The following AMOTL1 variants were observed in gnomAD, a reference collection of about 807,000 sequenced individuals.
The protein encoded by AMOTL1 is angiomotin-like protein 1.
In AMOTL1, 45 loss-of-function variants were observed where a neutral mutation model predicts 102.9. That is an observed-to-expected ratio of 0.44 (90% CI 0.34 to 0.56). The LOEUF (loss-of-function observed/expected upper bound fraction) is 0.56. Ranked by LOEUF, AMOTL1 falls within the 20% of genes least tolerant of loss-of-function variation. The pLI is 0.01. For missense variants in AMOTL1, 1,114 were observed against 1,225.6 expected, an observed-to-expected ratio of 0.91 and a Z score of 1.36; for synonymous variants, 481 against 484.7, an observed-to-expected ratio of 0.99 and a Z score of 0.10.
At chr11:94,839,297 TGA>T (rs946038600) in intron 6 of AMOTL1, among the ~76,000 whole-genome samples, 1 of 152,244 alleles carries the variant, frequency 6.6e-6, no homozygotes, top group African/African-American at 2.4e-5. Flanking sequence ...GAACACTAAT[TGA>T]GCACTTACTG....
At chr11:94,761,228 A>C (rs1449348039) in intron 3 of AMOTL1, among the ~76,000 whole-genome samples, 2 of 142,656 alleles carry the variant, frequency 1.4e-5, no homozygotes, top group Non-Finnish European at 3.0e-5. Context: ...TTGCTCTGTT[A>C]CCCAGGCTGG....
chr11:94,751,746 A>G (rs1950657318), intron 3 of AMOTL1, among the ~76,000 whole-genome samples: 2 of 151,286 alleles, frequency 1.3e-5, no homozygotes, highest in Admixed American at 1.3e-4. Context: ...GTAATGGGAT[A>G]AAACATATAT....
intron 6 of AMOTL1, among the ~76,000 whole-genome samples, chr11:94,848,682 C>T (rs1371397844): frequency 6.6e-6 from 1 of 152,140 alleles, no homozygotes; most frequent in African/African-American, 2.4e-5. Flanking sequence ...AGCAATGAAG[C>T]AAAAGAGGGA....
rs1256832287 is a variant in AMOTL1 at position 94,830,149 on chromosome 11, G to A, written c.1513G>A (p.Glu505Lys). 3.1e-6 allele frequency: 5 copies of A among 1,610,926 alleles called. No individual in the cohort carries two copies. The highest frequency in any genetic ancestry group is 4.2e-6 in the Non-Finnish European group (5 of 1,178,646). ...SLDKAMRNKL[E>K]GEIRRLHDFN... ...GGACAAGGCCATGAGAAACAAATTG[G>A]AAGGCGAGATTAGAAGACTTCATGA... Residue 505 changes from glutamate to lysine, a missense_variant, in exon 5 of 13, where the codon GAA becomes AAA. Coordinates refer to ENST00000433060, the MANE Select transcript of AMOTL1 (RefSeq NM_130847.3).
At chr11:94,786,569 CTTTTTTCTTTTTTCT>C (rs905491590) in intron 1 of AMOTL1, among the ~76,000 whole-genome samples, 16 of 514 alleles carry the variant, frequency 0.031, no homozygotes, top group Admixed American at 0.19. Flanking sequence ...GTTGTTACTT[CTTTTTTCTTTTTTCT>C]TTTTTTCTTT....
intron 4 of AMOTL1, among the ~76,000 whole-genome samples, chr11:94,825,578 T>A (rs1321237370): frequency 6.6e-6 from 1 of 152,168 alleles, no homozygotes; most frequent in African/African-American, 2.4e-5. Context: ...CCCTGACACC[T>A]AGGCCGAAAA....
In AMOTL1 at chr11:94,862,251, T is replaced by C. The variant is rs549822694; in HGVS notation, c.2136-2484T>C. On this transcript the variant is annotated intron_variant, in intron 9 of 12. Transcript: ENST00000433060. ...CCTCAGATAGCTCCAATCTTAATGT[T>C]CTTTTCAAAGAAAACCTCTGTCATT... 2.0e-5 allele frequency among the ~76,000 whole-genome samples: 3 copies of C among 152,250 alleles called. No individual in the cohort carries two copies. The Middle Eastern group carries it at 0.01, about 521-fold the overall frequency.
At chr11:94,746,508 A>G (rs979614377) in intron 3 of AMOTL1, among the ~76,000 whole-genome samples, 5 of 152,178 alleles carry the variant, frequency 3.3e-5, no homozygotes, top group African/African-American at 1.2e-4. Context: ...GTATGGAACT[A>G]TGGGGCAATC....
chr11:94,867,659 C>T (rs943395112), intron 11 of AMOTL1, among the ~76,000 whole-genome samples: 10 of 152,222 alleles, frequency 6.6e-5, no homozygotes, highest in Non-Finnish European at 1.5e-4. Context: ...CAGTTCCCCA[C>T]ATGTTGTCAC....
chr11:94,768,154 G>A (rs565324785), upstream of AMOTL1, among the ~76,000 whole-genome samples: 1 of 152,186 alleles, frequency 6.6e-6, no homozygotes, highest in Non-Finnish European at 1.5e-5. Context: ...CTAAGTCTCA[G>A]GGAGACACGT....
At chr11:94,835,973 T>A (rs1362447942) in intron 6 of AMOTL1, among the ~76,000 whole-genome samples, 1 of 152,258 alleles carries the variant, frequency 6.6e-6, no homozygotes, top group Non-Finnish European at 1.5e-5. Flanking sequence ...AATAATTTGC[T>A]GTTTTCAATG....
At chr11:94,723,794 T>A (rs1360138897) in intron 1 of AMOTL1, among the ~76,000 whole-genome samples, 1 of 152,156 alleles carries the variant, frequency 6.6e-6, no homozygotes, top group Non-Finnish European at 1.5e-5. Flanking sequence ...ATACCTAGAA[T>A]GTTTTTCTAT....
rs1172763861 is a variant in AMOTL1, at chr11:94,875,258, G to A, written c.*4463G>A. The A allele has an allele frequency of 1.3e-5, 2 of 152,196 alleles. No homozygotes were observed. The highest frequency in any genetic ancestry group is 4.1e-4 in the South Asian group (2 of 4,830). The allele number at this position is 152,196 out of a possible 1,614,324, so 9.4% of individuals were successfully genotyped here. ...AGTTACCAGAAATTGGTCGGCTGGG[G>A]AAATGCAAAAGTTAGCATTTCAGTA... On this transcript the variant is annotated 3_prime_UTR_variant, in exon 13 of 13. Transcript: ENST00000433060.
At chr11:94,757,245 GA>G (rs1950737275) in intron 3 of AMOTL1, among the ~76,000 whole-genome samples, 1 of 152,092 alleles carries the variant, frequency 6.6e-6, no homozygotes, top group African/African-American at 2.4e-5. Flanking sequence ...AATATTTCTA[GA>G]ACACCTGCTG....
chr11:94,779,404 G>T (rs1306144741), intron 1 of AMOTL1, among the ~76,000 whole-genome samples: 1 of 152,098 alleles, frequency 6.6e-6, no homozygotes, highest in Non-Finnish European at 1.5e-5. Context: ...GTGGGGAGAG[G>T]CATATAGATA....
intron 3 of AMOTL1, among the ~76,000 whole-genome samples, chr11:94,741,479 G>C (rs1950526730): frequency 6.6e-6 from 1 of 152,146 alleles, no homozygotes; most frequent in Admixed American, 6.5e-5. Flanking sequence ...TCATTAAACT[G>C]TAAGACCTAG....
intron 3 of AMOTL1, among the ~76,000 whole-genome samples, chr11:94,748,933 A>G (rs1363226571): frequency 2.0e-5 from 3 of 152,236 alleles, no homozygotes; most frequent in Non-Finnish European, 4.4e-5. Context: ...GCCTTCTCTT[A>G]TAGCATCTTG....
At position 94,718,235 on chromosome 11, in the gene AMOTL1, A is replaced by AT. The variant is rs148075194; in HGVS notation, c.-50-10683dup. On this transcript the variant is annotated intron_variant, in intron 1 of 4. Coordinates refer to the AMOTL1 transcript ENST00000299004. The stretch of plus-strand genomic sequence containing the variant: ...CCTGGCTTTTTACAATTTACAGGAA[A>AT]TTTGTCAATTTCCTGACTTATCAGT... 9.3e-3 allele frequency among the ~76,000 whole-genome samples: 1,411 copies of AT among 152,042 alleles called. 17 individuals are homozygous for AT. The highest frequency in any genetic ancestry group is 0.031 in the African/African-American group (1,288 of 41,518).
intron 2 of AMOTL1, chr11:94,796,869 T>TA: frequency 2.1e-6 from 1 of 477,850 alleles, no homozygotes; most frequent in Non-Finnish European, 2.7e-6. Flanking sequence ...CATATGTCTA[T>TA]TTACATACAC....
Sources: gnomAD v4.1 joint callset for allele counts (sites outside exome capture counted in the v4.1 genomes callset) on GRCh38, gnomAD v4.1.1 for gene constraint, MANE v1.5 for transcripts, NCBI Gene and HGNC (gene_info 2026-07-23, HGNC 2026-07-21) for gene names.